The following VRK3 variants were observed in gnomAD, a reference collection of about 807,000 sequenced individuals.
VRK3 encodes VRK serine/threonine kinase 3, also known as serine/threonine-protein kinase VRK3.
In VRK3, 50 loss-of-function variants were observed where a neutral mutation model predicts 60.4. The observed-to-expected ratio is 0.83, with a 90% confidence interval of 0.66 to 1.05. The LOEUF is 1.05. Ranked by LOEUF, VRK3 falls within the 50% of genes least tolerant of loss-of-function variation. The pLI, the probability that VRK3 is intolerant of heterozygous loss-of-function variation, is 0.00. For synonymous variants in VRK3, 246 were observed against 227.8 expected (o/e 1.08, Z -0.72); for missense variants, 549 against 585.3 (o/e 0.94, Z 0.64).
chr19:49,993,039 T>C (rs2076639035), intron 9 of VRK3, 87 bp from the exon 10 acceptor site: 2 of 1,262,950 alleles, frequency 1.6e-6, no homozygotes, highest in Admixed American at 1.7e-5. Flanking sequence ...AGCCCCACTA[T>C]TAAGGCCTGG....
At chr19:50,005,957 C>T (rs2076883163) in intron 5 of VRK3, among the ~76,000 whole-genome samples, 1 of 148,938 alleles carries the variant, frequency 6.7e-6, no homozygotes, top group Non-Finnish European at 1.5e-5. Flanking sequence ...GGTTGCATAA[C>T]ACTCTGAATA....
Position 49,980,935 on chromosome 19 carries a change from C to T in VRK3, c.1276+20G>A. 1 of 1,603,624 alleles carries T rather than the reference C, an allele frequency of 6.2e-7. No individual in the cohort carries two copies. Among genetic ancestry groups the T allele is most frequent in the Non-Finnish European group, 8.5e-7 (1 of 1,174,890 alleles). On this transcript the variant is annotated intron_variant, in intron 13 of 14. Transcript: ENST00000316763. ...GTCCTGCCCGAGTCCCCGCCTGTTC[C>T]CGCTCCCTTCAGGACGTACCTGAGG...
intron 10 of VRK3, among the ~76,000 whole-genome samples, chr19:49,992,331 G>C (rs548655395): frequency 4.6e-5 from 7 of 152,358 alleles, no homozygotes; most frequent in African/African-American, 1.4e-4. Context: ...TTGAACCCAG[G>C]AGGTGGAGGT....
rs529845587 is a variant in VRK3, at chr19:49,979,348, T to C, written c.1277-106A>G. ...TGGAGGGGTGGGGGACTGAGGGGCATGAGGGTCTCAGCAAAAGTGCCCATT... is the reference window on the plus strand; with the variant it reads ...TGGAGGGGTGGGGGACTGAGGGGCACGAGGGTCTCAGCAAAAGTGCCCATT... On this transcript the variant is annotated intron_variant, in intron 13 of 14. Transcript: ENST00000316763. 153 of 1,505,688 alleles carry C rather than the reference T, an allele frequency of 1.0e-4. 3 individuals are homozygous for C. In the South Asian group the frequency reaches 1.7e-3, roughly 17 times the overall value. The allele number at this position is 1,505,688 out of a possible 1,614,324, so 93.3% of individuals were successfully genotyped here.
chr19:50,010,132 TATAG>T (rs1033378393), intron 3 of VRK3, among the ~76,000 whole-genome samples: 19 of 152,226 alleles, frequency 1.2e-4, no homozygotes, highest in Admixed American at 1.2e-3. Context: ...TATATACATA[TATAG>T]ACACACACAT....
At chr19:50,007,467 G>T in intron 5 of VRK3, 102 bp downstream of exon 5, 3 of 1,544,742 alleles carry the variant, frequency 1.9e-6, no homozygotes, top group Non-Finnish European at 2.6e-6. Flanking sequence ...CAGGTCTGCA[G>T]CTAGGGATGT....
chr19:49,978,003 C>T (rs1228738427), intron 14 of VRK3, among the ~76,000 whole-genome samples: 4 of 152,164 alleles, frequency 2.6e-5, no homozygotes, highest in South Asian at 2.1e-4. Flanking sequence ...GTAATCCAAG[C>T]GCCAAGAAGA....
intron 12 of VRK3, chr19:49,986,175 G>A (rs1158152477): frequency 1.3e-5 from 2 of 152,212 alleles, no homozygotes; most frequent in African/African-American, 2.4e-5. Context: ...ACATCATAGA[G>A]TTTTTAAGGA....
intron 2 of VRK3, chr19:50,019,366 C>CCTTTTTTTT (rs1555854630): frequency 6.7e-6 from 1 of 148,610 alleles, no homozygotes; most frequent in Non-Finnish European, 1.5e-5. Flanking sequence ...CCATGCCTGG[C>CCTTTTTTTT]TAATTAAAAA....
chr19:50,015,038 C>G (rs557477759), intron 3 of VRK3, among the ~76,000 whole-genome samples: 7 of 151,886 alleles, frequency 4.6e-5, no homozygotes, highest in African/African-American at 1.7e-4. Context: ...TCACGGGGTG[C>G]GAGACAAAGA....
At chr19:50,025,086 T>A (rs1046293573) in intron 1 of VRK3, 181 bp downstream of exon 1, 1 of 152,200 alleles carries the variant, frequency 6.6e-6, no homozygotes, top group African/African-American at 2.4e-5. Flanking sequence ...GAGCCCAAGG[T>A]GGCTTGGGAA....
intron 12 of VRK3, among the ~76,000 whole-genome samples, chr19:49,984,042 C>T (rs572840504): frequency 6.6e-6 from 1 of 152,310 alleles, no homozygotes; most frequent in African/African-American, 2.4e-5. Context: ...ACTCACCCTG[C>T]ACCATGTTGG....
chr19:49,981,010 A>G lies in VRK3; in HGVS notation c.1221T>C (p.Phe407=). Residue 407 remains phenylalanine (F), a synonymous_variant, in exon 13 of 15, where the codon TTT becomes TTC. Coordinates refer to ENST00000316763, the MANE Select transcript of VRK3 (RefSeq NM_016440.4). ...TEDIMKQKQK[F]VDKPGPFVGP... The stretch of plus-strand genomic sequence containing the variant: ...CCACGAAGGGCCCCGGCTTATCAAC[A>G]AACCTGAAGGGACAGAAACACATGT... 2.5e-6 allele frequency: 4 copies of G among 1,612,392 alleles called. No individual in the cohort carries two copies. Among genetic ancestry groups the G allele is most frequent in the Non-Finnish European group, 3.4e-6 (4 of 1,179,244 alleles).
Position 49,994,833 on chromosome 19 carries a change from A to G in VRK3, c.851T>C (p.Leu284Pro). The change falls in exon 9 of 15, where the codon CTG becomes CCG. Residue 284 changes from leucine to proline, a missense_variant. Physicochemically the swap from Leu to Pro is moderately conservative, Grantham distance 98. Transcript: ENST00000316763. ...ACGCACCAGCCGGCAGGCCACCTGCAGCACAGACCTCTCTGACAGCACATG... is the reference window on the plus strand; with the variant it reads ...ACGCACCAGCCGGCAGGCCACCTGCGGCACAGACCTCTCTGACAGCACATG... ...PKHVLSERSV[L>P]QVACRLLDAL... 2 of 1,614,004 alleles carry G rather than the reference A, an allele frequency of 1.2e-6. No homozygotes were observed. Among genetic ancestry groups the G allele is most frequent in the Non-Finnish European group, 1.7e-6 (2 of 1,179,936 alleles).
At chr19:50,021,971 T>G (rs150932281) in intron 1 of VRK3, among the ~76,000 whole-genome samples, 1 of 152,246 alleles carries the variant, frequency 6.6e-6, no homozygotes, top group Non-Finnish European at 1.5e-5. Flanking sequence ...GCCACAAACC[T>G]CTTAAGCGGC....
chr19:50,000,664 T>C (rs1163810149), intron 6 of VRK3, 126 bp downstream of exon 6: 2 of 1,130,644 alleles, frequency 1.8e-6, no homozygotes, highest in African/African-American at 3.1e-5. Flanking sequence ...GTCTTAATAC[T>C]CCTTGCAGGT....
intron 3 of VRK3, 191 bp downstream of exon 3, chr19:50,015,833 T>C (rs774589155): frequency 3.1e-5 from 21 of 685,432 alleles, no homozygotes; most frequent in Admixed American, 4.8e-5. Flanking sequence ...ATGGAGACAG[T>C]GTTCAAAGCC....
chr19:50,023,734 G>A (rs1409471912), intron 1 of VRK3, among the ~76,000 whole-genome samples: 2 of 146,730 alleles, frequency 1.4e-5, no homozygotes, highest in African/African-American at 2.6e-5. Flanking sequence ...TGCCAAGAAG[G>A]TGGGTGGGGG....
intron 6 of VRK3, chr19:49,997,807 G>GT (rs1281319716): frequency 9.1e-6 from 4 of 438,088 alleles, no homozygotes; most frequent in African/African-American, 4.0e-5. Flanking sequence ...TCCCTAGAAT[G>GT]TAGCCTTCAG....
Sources: allele counts gnomAD v4.1 joint callset (sites outside exome capture counted in the v4.1 genomes callset), GRCh38; gene constraint gnomAD v4.1.1; transcripts MANE v1.5; gene names NCBI Gene and HGNC (gene_info 2026-07-23, HGNC 2026-07-21).